The following LPA variants were observed in gnomAD, a reference collection of about 807,000 sequenced individuals.
LPA encodes lipoprotein(a), also known as apolipoprotein(a).
In LPA, 199 loss-of-function variants were observed where a neutral mutation model predicts 197.9. That is an observed-to-expected ratio of 1.01 (90% confidence interval 0.90 to 1.13). LPA has a LOEUF of 1.13. LPA is among the 50% of genes most tolerant of loss of function. The pLI, the probability that LPA is intolerant of heterozygous loss-of-function variation, is 0.00. For synonymous variants in LPA, 715 were observed against 639.5 expected, an observed-to-expected ratio of 1.12 and a Z score of -1.78; for missense variants, 1,853 against 1,785.8, an observed-to-expected ratio of 1.04 and a Z score of -0.68.
rs76852953 is a variant in LPA at position 160,575,879 on chromosome 6, A to G, written c.4631+1257T>C. ...TCTAGGTACATGACTGTAGCTCTTT[A>G]TCTCCACAAATTCTTTCTCATTATT... is the stretch of plus-strand genomic sequence containing the variant. On this transcript the variant is annotated intron_variant, in intron 28 of 38. Transcript: ENST00000316300. 1.3e-4 allele frequency among the ~76,000 whole-genome samples: 20 copies of G among 152,208 alleles called. No individual in the cohort carries two copies. In the East Asian group the frequency reaches 3.9e-3, roughly 29 times the overall value.
At chr6:160,610,852 G>T (rs879063204) in intron 16 of LPA, among the ~76,000 whole-genome samples, 12 of 152,082 alleles carry the variant, frequency 7.9e-5, no homozygotes, top group Non-Finnish European at 1.5e-5. Flanking sequence ...CAATTCTCTA[G>T]GTCCTCTACC....
chr6:160,660,662 T>C (rs997696197), intron 1 of LPA, among the ~76,000 whole-genome samples: 24 of 152,174 alleles, frequency 1.6e-4, no homozygotes, highest in African/African-American at 5.3e-4. Flanking sequence ...GATAAGCATC[T>C]TCTGAATGGT....
intron 36 of LPA, among the ~76,000 whole-genome samples, chr6:160,538,193 C>T (rs936886541): frequency 1.3e-5 from 2 of 152,192 alleles, no homozygotes; most frequent in Non-Finnish European, 1.5e-5. Context: ...ATGCAAGAAA[C>T]TGAGGGTGGC....
intron 7 of LPA, among the ~76,000 whole-genome samples, 188 bp downstream of exon 7, chr6:160,634,935 C>G (rs1323581380): frequency 1.3e-5 from 2 of 150,228 alleles, no homozygotes; most frequent in Non-Finnish European, 2.9e-5. Context: ...ACAAAGCCCA[C>G]CCAAGTTGCA....
At chr6:160,584,282 T>TTCC (rs1778862472) in intron 26 of LPA, among the ~76,000 whole-genome samples, 3 of 149,122 alleles carry the variant, frequency 2.0e-5, no homozygotes, top group South Asian at 2.2e-4. Flanking sequence ...CTTCTTCTTC[T>TTCC]TCTTCTTCTT....
At chr6:160,573,289 TG>T (rs1436292218) in intron 28 of LPA, among the ~76,000 whole-genome samples, 7 of 152,082 alleles carry the variant, frequency 4.6e-5, no homozygotes, top group Admixed American at 1.3e-4. Context: ...AATTTTTTAT[TG>T]TTTTTTTATT....
intron 28 of LPA, among the ~76,000 whole-genome samples, chr6:160,571,697 GC>G: frequency 1.3e-5 from 2 of 152,254 alleles, no homozygotes; most frequent in South Asian, 4.1e-4. Flanking sequence ...TCCTACTCAA[GC>G]CCCAGTATTT....
chr6:160,626,316 CTT>C (rs1257463731), intron 10 of LPA, among the ~76,000 whole-genome samples: 1 of 137,232 alleles, frequency 7.3e-6, no homozygotes, highest in African/African-American at 3.2e-5. Flanking sequence ...TGCAGGAAAT[CTT>C]TTCATATTTT....
chr6:160,607,535 G>A (rs1405017458), intron 16 of LPA, among the ~76,000 whole-genome samples: 1 of 152,076 alleles, frequency 6.6e-6, no homozygotes, highest in Non-Finnish European at 1.5e-5. Context: ...GCATTAGGGG[G>A]CAAAGCAGGT....
chr6:160,584,006 A>G (rs1170517805), intron 26 of LPA, among the ~76,000 whole-genome samples: 2 of 152,118 alleles, frequency 1.3e-5, no homozygotes, highest in African/African-American at 4.8e-5. Context: ...TTGTCCATGT[A>G]CCTGCCCATT....
intron 37 of LPA, among the ~76,000 whole-genome samples, chr6:160,536,461 A>G (rs1353456834): frequency 6.6e-6 from 1 of 152,130 alleles, no homozygotes; most frequent in East Asian, 1.9e-4. Context: ...TATTTCCCCC[A>G]TAACAGCCCT....
chr6:160,548,737 C>A, intron 30 of LPA, 78 bp from the exon 31 acceptor site: 2 of 1,456,156 alleles, frequency 1.4e-6, no homozygotes, highest in South Asian at 2.3e-5. Flanking sequence ...ACATTTTGTT[C>A]TAACAAAGTC....
intron 26 of LPA, 55 bp from the exon 27 acceptor site, chr6:160,578,759 C>A (rs1562329067): frequency 1.9e-6 from 3 of 1,612,350 alleles, no homozygotes; most frequent in South Asian, 1.1e-5. Context: ...TTCAAGGGCA[C>A]TTAGCGCCCT....
rs191783255 is a variant in LPA at position 160,610,459 on chromosome 6, G to T, written c.2603+1103C>A. ...GAGCACTCTCTCATCTAGCTGGTAA[G>T]AACTCCAATAACACAGAGTGCTATG... On this transcript the variant is annotated intron_variant, in intron 16 of 38. Coordinates refer to ENST00000316300, the MANE Select transcript of LPA (RefSeq NM_005577.4). Among the ~76,000 whole-genome samples the T allele has an allele frequency of 2.6e-4, 39 of 152,258 alleles. No individual in the cohort carries two copies. The East Asian group carries it at 5.2e-3, about 20-fold the overall frequency.
At chr6:160,605,710 G>T (rs1251906518) in intron 17 of LPA, among the ~76,000 whole-genome samples, 1 of 152,164 alleles carries the variant, frequency 6.6e-6, no homozygotes, top group Non-Finnish European at 1.5e-5. Context: ...GGCCATGGGA[G>T]AGACAACAGT....
At chr6:160,606,402 C>G in intron 17 of LPA, 75 bp downstream of exon 17, 4 of 1,563,640 alleles carry the variant, frequency 2.6e-6, no homozygotes, top group Non-Finnish European at 3.5e-6. Flanking sequence ...TTGGAGGCTG[C>G]TGCATCAGTG....
At chr6:160,615,235 C>A (rs1165208521) in intron 14 of LPA, among the ~76,000 whole-genome samples, 1 of 129,460 alleles carries the variant, frequency 7.7e-6, no homozygotes, top group African/African-American at 3.3e-5. Flanking sequence ...TATTTTCCTA[C>A]ATGTCTGTGA....
At chr6:160,591,191 T>C (rs1779023417) in intron 22 of LPA, 90 bp from the exon 23 acceptor site, 1 of 1,521,212 alleles carries the variant, frequency 6.6e-7, no homozygotes, top group South Asian at 1.2e-5. Context: ...AACAAAGTGG[T>C]AAAAAGTGAC....
At chr6:160,569,998 A>G (rs1033550571) in intron 28 of LPA, among the ~76,000 whole-genome samples, 1 of 152,186 alleles carries the variant, frequency 6.6e-6, no homozygotes, top group Non-Finnish European at 1.5e-5. Context: ...GATGCTAGAG[A>G]GGATGTGGAG....
Sources: gnomAD v4.1 joint callset for allele counts (sites outside exome capture counted in the v4.1 genomes callset) on GRCh38, gnomAD v4.1.1 for gene constraint, MANE v1.5 for transcripts, NCBI Gene and HGNC (gene_info 2026-07-23, HGNC 2026-07-21) for gene names.